Variants in BTBD9 observed in about 807,000 individuals in gnomAD.
BTBD9 encodes the protein BTB domain containing 9, also known as BTB/POZ domain-containing protein 9.
A neutral mutation model predicts 64.3 loss-of-function variants in BTBD9; 49 were observed. That is an observed-to-expected ratio of 0.76 (90% CI 0.61 to 0.97). The LOEUF (loss-of-function observed/expected upper bound fraction) is 0.97. Among genes scored for constraint, BTBD9 ranks in the 50% least tolerant of loss-of-function variants. BTBD9 has a pLI of 0.00. For missense variants in BTBD9, 598 were observed against 762.1 expected, an observed-to-expected ratio of 0.78 and a Z score of 2.53; for synonymous variants, 260 against 274.7, an observed-to-expected ratio of 0.95 and a Z score of 0.53.
intron 9 of BTBD9, among the ~76,000 whole-genome samples, chr6:38,216,207 A>G (rs913406630): frequency 5.9e-5 from 9 of 151,978 alleles, no homozygotes; most frequent in African/African-American, 2.2e-4. Flanking sequence ...TTGGGCCTCT[A>G]CTCTGAGTGA....
chr6:38,317,434 T>TA (rs1185291890), intron 7 of BTBD9, among the ~76,000 whole-genome samples: 7 of 152,208 alleles, frequency 4.6e-5, no homozygotes, highest in South Asian at 2.1e-4. Flanking sequence ...CCTTTTTTTT[T>TA]ATCCCTAACC....
chr6:38,251,434 T>G (rs1451249342), intron 9 of BTBD9, among the ~76,000 whole-genome samples: 4 of 151,850 alleles, frequency 2.6e-5, no homozygotes, highest in Non-Finnish European at 4.4e-5. Context: ...CCAGCTAATT[T>G]TTGTATTTTT....
At chr6:38,374,268 C>T (rs932138350) in intron 6 of BTBD9, among the ~76,000 whole-genome samples, 2 of 28,126 alleles carry the variant, frequency 7.1e-5, no homozygotes, top group African/African-American at 7.6e-4. Context: ...GGCCTTGTGT[C>T]GAAAAAAAAA....
At chr6:38,386,125 A>G (rs1240818070) in intron 6 of BTBD9, among the ~76,000 whole-genome samples, 1 of 152,202 alleles carries the variant, frequency 6.6e-6, no homozygotes, top group Non-Finnish European at 1.5e-5. Context: ...TTATAATATT[A>G]TTCGGTGAGA....
chr6:38,187,303 G>T (rs1019947127), intron 10 of BTBD9, among the ~76,000 whole-genome samples: 2 of 152,190 alleles, frequency 1.3e-5, no homozygotes, highest in African/African-American at 4.8e-5. Flanking sequence ...GAAGGCAGGT[G>T]AACGACCACA....
intron 6 of BTBD9, among the ~76,000 whole-genome samples, chr6:38,541,369 G>A (rs188485267): frequency 3.9e-5 from 6 of 152,244 alleles, no homozygotes; most frequent in Admixed American, 3.3e-4. Flanking sequence ...AAGGGAATAC[G>A]GGAATAAGGA....
chr6:38,566,662 G>T (rs971606812), intron 6 of BTBD9, among the ~76,000 whole-genome samples: 2 of 152,168 alleles, frequency 1.3e-5, no homozygotes, highest in Non-Finnish European at 2.9e-5. Flanking sequence ...AAGTAGAAAA[G>T]AAAATCAGTG....
chr6:38,225,992 G>A (rs761785926), intron 9 of BTBD9, among the ~76,000 whole-genome samples: 2 of 152,220 alleles, frequency 1.3e-5, no homozygotes, highest in Non-Finnish European at 2.9e-5. Flanking sequence ...AAGGCCAAAG[G>A]TGGATTAGCT....
At chr6:38,420,506 T>C (rs1378695291) in intron 6 of BTBD9, among the ~76,000 whole-genome samples, 5 of 152,254 alleles carry the variant, frequency 3.3e-5, no homozygotes, top group Non-Finnish European at 7.4e-5. Flanking sequence ...TGGAATATCA[T>C]GCAGCCATTA....
chr6:38,197,171 A>G (rs1762295466), intron 9 of BTBD9, among the ~76,000 whole-genome samples: 1 of 152,196 alleles, frequency 6.6e-6, no homozygotes, highest in African/African-American at 2.4e-5. Flanking sequence ...AGTGTCTTAG[A>G]GTCGTGATCT....
chr6:38,404,535 G>A (rs968961883), intron 6 of BTBD9, among the ~76,000 whole-genome samples: 46 of 141,594 alleles, frequency 3.2e-4, no homozygotes, highest in Non-Finnish European at 2.8e-4. Context: ...GAAAGCTTCC[G>A]CCCAGAGCAA....
chr6:38,478,019 A>G lies in BTBD9; in HGVS notation c.1154+99581T>C, dbSNP rs528654195. ...AATTTCTTCATCTGTAAGAATGAGA[A>G]TACCCCTGCTGCCACAGGGATGTTA... On this transcript the variant is annotated intron_variant, in intron 6 of 10. Coordinates refer to ENST00000481247, the MANE Select transcript of BTBD9 (RefSeq NM_001099272.2). Among the ~76,000 whole-genome samples, 96 of 152,340 alleles carry G rather than the reference A, an allele frequency of 6.3e-4. No homozygotes were observed. In the South Asian group the frequency reaches 7.5e-3, roughly 12 times the overall value.
chr6:38,526,156 C>G, intron 6 of BTBD9, among the ~76,000 whole-genome samples: 1 of 152,366 alleles, frequency 6.6e-6, no homozygotes, highest in East Asian at 1.9e-4. Flanking sequence ...CCCTGCTGCT[C>G]TGTGCAGCCT....
intron 6 of BTBD9, among the ~76,000 whole-genome samples, chr6:38,353,122 C>T (rs1764587755): frequency 6.6e-6 from 1 of 152,146 alleles, no homozygotes; most frequent in South Asian, 2.1e-4. Context: ...GTACAACTAG[C>T]TCTGTCTAAG....
chr6:38,379,382 C>G (rs78487712), intron 6 of BTBD9, among the ~76,000 whole-genome samples: 1 of 152,316 alleles, frequency 6.6e-6, no homozygotes, highest in East Asian at 1.9e-4. Context: ...ATTAAAGGCT[C>G]TCATCACCAC....
At chr6:38,559,789 C>A (rs548226478) in intron 6 of BTBD9, among the ~76,000 whole-genome samples, 4 of 152,286 alleles carry the variant, frequency 2.6e-5, no homozygotes, top group Admixed American at 6.5e-5. Flanking sequence ...CAACAACCAT[C>A]TGATCTTCAA....
chr6:38,501,475 A>G (rs1172563944), intron 6 of BTBD9, among the ~76,000 whole-genome samples: 1 of 152,188 alleles, frequency 6.6e-6, no homozygotes, highest in East Asian at 1.9e-4. Flanking sequence ...AACACTCAAT[A>G]CTTGTTGATC....
At chr6:38,521,163 C>T (rs942982168) in intron 6 of BTBD9, among the ~76,000 whole-genome samples, 4 of 151,836 alleles carry the variant, frequency 2.6e-5, no homozygotes, top group Non-Finnish European at 4.4e-5. Context: ...CCTGTAAAGT[C>T]ACACCACCTC....
At chr6:38,393,548 A>G (rs945068082) in intron 6 of BTBD9, among the ~76,000 whole-genome samples, 5 of 152,160 alleles carry the variant, frequency 3.3e-5, no homozygotes, top group Non-Finnish European at 5.9e-5. Context: ...CTCACTTCCT[A>G]TACTAGCCAC....
Sources: allele counts gnomAD v4.1 joint callset (sites outside exome capture counted in the v4.1 genomes callset), GRCh38; gene constraint gnomAD v4.1.1; transcripts MANE v1.5; gene names NCBI Gene and HGNC (gene_info 2026-07-23, HGNC 2026-07-21).